Variants in TNS1 observed in about 807,000 individuals in gnomAD.
The protein encoded by TNS1 is tensin-1.
Under a neutral mutation model 168.6 loss-of-function variants are expected in TNS1, and 62 were observed. The ratio of observed to expected loss-of-function variants is 0.37; its 90% CI spans 0.30 to 0.45. The LOEUF is 0.45. Ranked by LOEUF, TNS1 falls within the 20% of genes least tolerant of loss-of-function variation. TNS1 has a pLI of 1.00. For synonymous variants in TNS1, 934 were observed against 933.2 expected (o/e 1.00, Z -0.02); for missense variants, 2,240 against 2,339.4 (o/e 0.96, Z 0.88).
intron 27 of TNS1, 150 bp from the exon 28 acceptor site, chr2:217,812,595 C>G (rs763989145): frequency 1.6e-6 from 1 of 634,466 alleles, no homozygotes; most frequent in South Asian, 2.1e-5. Flanking sequence ...TTCACACCCT[C>G]TTGTTGAACA....
intron 18 of TNS1, chr2:217,849,980 T>C (rs1304433114): frequency 9.1e-6 from 9 of 985,252 alleles, no homozygotes; most frequent in Non-Finnish European, 1.1e-5. Context: ...CATTCAGAGA[T>C]ACAATGTCAT....
chr2:217,938,196 G>C (rs932131025), intron 3 of TNS1, among the ~76,000 whole-genome samples: 1 of 152,214 alleles, frequency 6.6e-6, no homozygotes, highest in African/African-American at 2.4e-5. Flanking sequence ...CTGCAACTGG[G>C]CGGGCCAGGG....
chr2:218,029,814 T>G (rs1004055283), intron 1 of TNS1, among the ~76,000 whole-genome samples: 1 of 152,242 alleles, frequency 6.6e-6, no homozygotes, highest in African/African-American at 2.4e-5. Context: ...GTTCTGTTTC[T>G]AGACTCTGCA....
intron 8 of TNS1, among the ~76,000 whole-genome samples, chr2:217,895,388 G>GGA (rs147905922): frequency 6.6e-6 from 1 of 152,040 alleles, no homozygotes; most frequent in Non-Finnish European, 1.5e-5. Flanking sequence ...GGATGAAAAG[G>GGA]GAGAGAGAGA....
chr2:218,006,883 G>C (rs1958662974), upstream of TNS1, among the ~76,000 whole-genome samples: 1 of 152,126 alleles, frequency 6.6e-6, no homozygotes, highest in Non-Finnish European at 1.5e-5. Context: ...TAGTCTCAGG[G>C]CACCGCTAGC....
intron 19 of TNS1, chr2:217,842,084 G>A: frequency 1.4e-6 from 1 of 703,056 alleles, no homozygotes; most frequent in Non-Finnish European, 2.6e-6. Flanking sequence ...CTCCATGCCA[G>A]TTCCTATGCT....
chr2:218,014,375 T>C (rs1472529852), upstream of TNS1, among the ~76,000 whole-genome samples: 1 of 152,158 alleles, frequency 6.6e-6, no homozygotes, highest in African/African-American at 2.4e-5. Context: ...CCCAAGGGGC[T>C]GTCCCTCGGG....
intron 19 of TNS1, among the ~76,000 whole-genome samples, chr2:217,842,482 A>C (rs1319668868): frequency 6.6e-6 from 1 of 152,134 alleles, no homozygotes; most frequent in Non-Finnish European, 1.5e-5. Context: ...TGTGTAATCT[A>C]TCAGTAATCT....
In TNS1 at chr2:217,809,889, G is replaced by A. The variant is rs1336220602; in HGVS notation, c.5207C>T (p.Pro1736Leu). 6.2e-7 allele frequency: 1 copy of A among 1,613,752 alleles called. No homozygotes were observed. The highest frequency in any genetic ancestry group is 8.5e-7 in the Non-Finnish European group (1 of 1,179,702). ...TSETLAADPT[P>L]AATIVHFKVS... is the part of the protein sequence containing the mutation. ...TTTGAAGTGAACGATGGTGGCAGCT[G>A]GCGTGGGGTCTGCAGCCAACGTCTC... is the stretch of plus-strand genomic sequence containing the variant. The change falls in exon 30 of 33, where the codon CCA becomes CTA. Residue 1736 changes from proline (P) to leucine (L), a missense_variant. Pro to Leu is a moderately conservative substitution (Grantham distance 98). Around this residue, in one of 2 missense-constraint regions of TNS1, gnomAD observed 109 missense variants for 168.1 expected, o/e 0.65. Coordinates refer to ENST00000682258, the MANE Select transcript of TNS1 (RefSeq NM_001387777.1).
chr2:217,987,442 G>T (rs1397187435), intron 2 of TNS1, among the ~76,000 whole-genome samples: 1 of 152,122 alleles, frequency 6.6e-6, no homozygotes, highest in Non-Finnish European at 1.5e-5. Flanking sequence ...CAGACCCCAG[G>T]TTCCTTTCCT....
At chr2:218,010,792 T>G (rs1370643917), upstream of TNS1, among the ~76,000 whole-genome samples, 43 of 152,088 alleles carry the variant, frequency 2.8e-4, no homozygotes, top group Non-Finnish European at 5.9e-5. Flanking sequence ...CCAATTCCCA[T>G]ATTGCTCCCC....
At chr2:218,010,402 G>C (rs1574480372) in exon 1 of TNS1, 1 of 388,144 alleles carries the variant, frequency 2.6e-6, no homozygotes, top group Non-Finnish European at 4.6e-6. Flanking sequence ...GAGGCCCGCG[G>C]CGCGGCCCGG....
intron 32 of TNS1, among the ~76,000 whole-genome samples, chr2:217,807,042 C>T (rs1012386131): frequency 3.9e-5 from 6 of 152,250 alleles, no homozygotes; most frequent in Admixed American, 6.5e-5. Flanking sequence ...GCTCCCCAGA[C>T]GTAAGCTGAA....
upstream of TNS1, among the ~76,000 whole-genome samples, chr2:218,014,817 C>T (rs1211898196): frequency 3.3e-5 from 5 of 151,088 alleles, no homozygotes. Context: ...TGCAGGTGGC[C>T]CATAATCATG....
chr2:218,005,211 T>G (rs374202947), upstream of TNS1, among the ~76,000 whole-genome samples: 20 of 152,338 alleles, frequency 1.3e-4, no homozygotes, highest in East Asian at 3.7e-3. Context: ...CAGCTTTCTC[T>G]GGAGTTCTGA....
At chr2:217,844,127 C>T (rs181140568) in intron 19 of TNS1, among the ~76,000 whole-genome samples, 78 of 152,220 alleles carry the variant, frequency 5.1e-4, no homozygotes, top group Non-Finnish European at 1.0e-3. Context: ...CTCCCTCATC[C>T]GCTCCAGCCA....
At chr2:217,913,409 G>T (rs1954653105) in intron 4 of TNS1, among the ~76,000 whole-genome samples, 1 of 152,172 alleles carries the variant, frequency 6.6e-6, no homozygotes, top group Non-Finnish European at 1.5e-5. Flanking sequence ...GCTTGCACAG[G>T]TTGGAATATT....
intron 21 of TNS1, among the ~76,000 whole-genome samples, chr2:217,834,442 T>G (rs370117132): frequency 1.4e-4 from 21 of 152,340 alleles, no homozygotes; most frequent in East Asian, 5.8e-4. Flanking sequence ...CCTCCTCCAG[T>G]TCCTCTTCAT....
upstream of TNS1, among the ~76,000 whole-genome samples, chr2:218,006,987 T>C (rs1173226490): frequency 2.0e-5 from 3 of 151,898 alleles, no homozygotes; most frequent in Admixed American, 2.0e-4. Flanking sequence ...AAAGCAGAGA[T>C]CCAGTCTCTC....
Sources: allele counts gnomAD v4.1 joint callset (sites outside exome capture counted in the v4.1 genomes callset), GRCh38; gene constraint gnomAD v4.1.1; regional missense constraint gnomAD v4.1.1; transcripts MANE v1.5; gene names NCBI Gene and HGNC (gene_info 2026-07-23, HGNC 2026-07-21).